Variants in DIO2 observed in about 807,000 individuals in gnomAD.
DIO2 encodes the protein type II iodothyronine deiodinase.
Under a neutral mutation model 21.4 loss-of-function variants are expected in DIO2, and 19 were observed. The observed-to-expected ratio is 0.89, with a 90% CI of 0.62 to 1.30. The LOEUF (loss-of-function observed/expected upper bound fraction) is 1.30. DIO2 is among the 50% of genes most tolerant of loss of function. The probability of loss-of-function intolerance (pLI) is 0.00; values close to 1 mark genes in which losing one functional copy is unlikely to be tolerated. For missense variants in DIO2, 302 were observed against 338.1 expected (o/e 0.89, Z 0.84); for synonymous variants, 122 against 132.9 (o/e 0.92, Z 0.57).
At chr14:80,211,559 GGGGGAGGTAAGGGGGAAGGTTGGGGGT>G, upstream of DIO2, 1 of 499,276 alleles carries the variant, frequency 2.0e-6, no homozygotes, top group Non-Finnish European at 3.2e-6. Flanking sequence ...TAAAGGGGGT[GGGGGAGGTAAGGGGGAAGGTTGGGGGT>G]TGGGGGAGAA....
Position 80,202,425 on chromosome 14 carries a change from A to C in DIO2, c.*264T>G. The stretch of plus-strand genomic sequence containing the variant: ...CTCAATGCAGAATGAACACATGCTG[A>C]ATTAGCGTTTCTTCCTCTCCATCTT... On this transcript the variant is annotated 3_prime_UTR_variant, in exon 2 of 2. Coordinates refer to ENST00000438257, the MANE Select transcript of DIO2 (RefSeq NM_013989.5). 1.4e-6 allele frequency: 1 copy of C among 696,768 alleles called. No individual in the cohort carries two copies. The allele number at this position is 696,768 out of a possible 1,614,324, so 43.2% of individuals were successfully genotyped here.
In DIO2 at chr14:80,203,296, TAAAAAAA is replaced by T; in HGVS notation, c.223-15_223-9del. 1 of 1,393,810 alleles carries T rather than the reference TAAAAAAA, an allele frequency of 7.2e-7. No homozygotes were observed. The highest frequency in any genetic ancestry group is 9.4e-7 in the Non-Finnish European group (1 of 1,062,646). The allele number at this position is 1,393,810 out of a possible 1,614,324, so 86.3% of individuals were successfully genotyped here. ...ATCCTCACCCAATTTCACCTGACGG[TAAAAAAA>T]AAAAAAAAGAAGAAGAAGAAGAAGG... is the stretch of plus-strand genomic sequence containing the variant. On this transcript the variant is annotated splice_polypyrimidine_tract_variant and intron_variant, in intron 1 of 1. Coordinates refer to ENST00000438257, the MANE Select transcript of DIO2 (RefSeq NM_013989.5).
chr14:80,210,765 TTTC>T (rs1888147092), intron 1 of DIO2, among the ~76,000 whole-genome samples: 1 of 152,172 alleles, frequency 6.6e-6, no homozygotes, highest in Admixed American at 6.5e-5. Context: ...CTATGACCAC[TTTC>T]TTATCTTGTC....
intron 2 of DIO2, among the ~76,000 whole-genome samples, chr14:80,225,188 G>A (rs1385535633): frequency 6.6e-6 from 1 of 152,084 alleles, no homozygotes; most frequent in African/African-American, 2.4e-5. Flanking sequence ...GGCACACCCA[G>A]GAACAATACT....
chr14:80,207,806 TCATTCC>T (rs1888007942), intron 1 of DIO2, among the ~76,000 whole-genome samples: 1 of 152,192 alleles, frequency 6.6e-6, no homozygotes, highest in Admixed American at 6.5e-5. Context: ...CTAAGCTCTA[TCATTCC>T]CCAATGTTTT....
chr14:80,207,152 C>T (rs1035721987), intron 1 of DIO2, among the ~76,000 whole-genome samples: 7 of 152,134 alleles, frequency 4.6e-5, no homozygotes, highest in African/African-American at 1.7e-4. Flanking sequence ...AAAGGATTTG[C>T]ATTTTTACAA....
At chr14:80,211,514 C>T (rs745698739), upstream of DIO2, 9 of 1,410,388 alleles carry the variant, frequency 6.4e-6, no homozygotes, top group South Asian at 1.2e-4. Flanking sequence ...CGCTCTGGTT[C>T]CCCTTCACCC....
intron 1 of DIO2, among the ~76,000 whole-genome samples, chr14:80,210,318 C>G (rs1455399068): frequency 6.6e-6 from 1 of 152,110 alleles, no homozygotes; most frequent in African/African-American, 2.4e-5. Context: ...GTTGAAAATG[C>G]TCTACTAACA....
intron 1 of DIO2, among the ~76,000 whole-genome samples, chr14:80,208,722 C>A (rs1359631810): frequency 6.6e-6 from 1 of 152,190 alleles, no homozygotes; most frequent in Non-Finnish European, 1.5e-5. Flanking sequence ...ATGACAAGAG[C>A]ATTCAGAGAA....
intron 2 of DIO2, among the ~76,000 whole-genome samples, chr14:80,217,490 T>C (rs2140015335): frequency 6.6e-6 from 1 of 152,326 alleles, no homozygotes; most frequent in African/African-American, 2.4e-5. Context: ...CTTATGCTTT[T>C]CTAAGAGGTG....
At position 80,203,124 on chromosome 14, in the gene DIO2, G is replaced by A; in HGVS notation, c.387C>T (p.Gly129=). The A allele has an allele frequency of 1.2e-6, 2 of 1,613,638 alleles. No individual in the cohort carries two copies. Among genetic ancestry groups the A allele is most frequent in the Non-Finnish European group, 1.7e-6 (2 of 1,179,772 alleles). The part of the protein sequence containing the change: ...SPERPLVVNF[G]SATUPPFTSQ... Reference sequence around the variant, plus strand: ...TCGTGAAAGGAGGTCAAGTGGCTGAGCCAAAGTTGACCACTAGTGGGCGCT... The same window carrying A: ...TCGTGAAAGGAGGTCAAGTGGCTGAACCAAAGTTGACCACTAGTGGGCGCT... Residue 129 remains glycine (G), a synonymous_variant, in exon 2 of 2, where the codon GGC becomes GGT. Coordinates refer to ENST00000438257, the MANE Select transcript of DIO2 (RefSeq NM_013989.5).
chr14:80,220,772 C>T (rs979885016), intron 2 of DIO2, among the ~76,000 whole-genome samples: 4 of 152,186 alleles, frequency 2.6e-5, no homozygotes, highest in African/African-American at 9.7e-5. Flanking sequence ...CTTCTTACCT[C>T]TGTCCTCTCA....
Position 80,203,061 on chromosome 14 carries a change from G to C in DIO2, c.450C>G (p.Phe150Leu), listed in dbSNP as rs201964819. Residue 150 changes from phenylalanine to leucine, a missense_variant, in exon 2 of 2, where the codon TTC becomes TTG. Physicochemically the swap from Phe to Leu is conservative, Grantham distance 22. Coordinates refer to ENST00000438257, the MANE Select transcript of DIO2 (RefSeq NM_013989.5). ...LPAFRKLVEE[F>L]SSVADFLLVY... is the part of the protein sequence containing the mutation. ...CCAGCAGGAAGTCAGCCACTGAGGA[G>C]AACTCTTCCACCAGTTTGCGGAAGG... is the stretch of plus-strand genomic sequence containing the variant. 2.5e-6 allele frequency: 4 copies of C among 1,613,944 alleles called. No individual in the cohort carries two copies. The highest frequency in any genetic ancestry group is 8.5e-7 in the Non-Finnish European group (1 of 1,179,882).
intron 1 of DIO2, among the ~76,000 whole-genome samples, 167 bp downstream of exon 1, chr14:80,211,084 G>A (rs890271049): frequency 2.6e-5 from 4 of 152,092 alleles, no homozygotes; most frequent in African/African-American, 9.7e-5. Flanking sequence ...ACCCTCCCAA[G>A]CTAACCTGTG....
intron 2 of DIO2, among the ~76,000 whole-genome samples, chr14:80,217,890 C>T (rs1888388960): frequency 6.6e-6 from 1 of 152,192 alleles, no homozygotes; most frequent in African/African-American, 2.4e-5. Flanking sequence ...TTGGCATTTG[C>T]CTTTTATCAA....
At chr14:80,219,752 C>A (rs1888429354) in intron 2 of DIO2, among the ~76,000 whole-genome samples, 1 of 152,142 alleles carries the variant, frequency 6.6e-6, no homozygotes, top group Admixed American at 6.5e-5. Context: ...TTACCCAAAT[C>A]TGTGTGAAGC....
chr14:80,214,633 T>C (rs1330733501), upstream of DIO2, among the ~76,000 whole-genome samples: 1 of 152,210 alleles, frequency 6.6e-6, no homozygotes, highest in Non-Finnish European at 1.5e-5. Flanking sequence ...GGGCCATTCC[T>C]CTAGCAGATA....
At chr14:80,207,633 G>A (rs1888001369) in intron 1 of DIO2, among the ~76,000 whole-genome samples, 1 of 152,142 alleles carries the variant, frequency 6.6e-6, no homozygotes, top group Non-Finnish European at 1.5e-5. Context: ...CTACATCAAT[G>A]TCCTTAGAAA....
chr14:80,211,624 G>C, upstream of DIO2: 2 of 598,162 alleles, frequency 3.3e-6, no homozygotes, highest in Non-Finnish European at 5.8e-6. Context: ...TTAAAAGGAA[G>C]CCCAAGTTGT....
Sources: allele counts gnomAD v4.1 joint callset (sites outside exome capture counted in the v4.1 genomes callset), GRCh38; gene constraint gnomAD v4.1.1; transcripts MANE v1.5; gene names NCBI Gene and HGNC (gene_info 2026-07-23, HGNC 2026-07-21).